KLRD1: variants seen among roughly 807,000 people sequenced by gnomAD.
The protein encoded by KLRD1 is killer cell lectin like receptor D1, also known as natural killer cells antigen CD94.
KLRD1 carries 21 observed loss-of-function variants against 22.6 expected under a neutral mutation model. That is an observed-to-expected ratio of 0.93 (90% CI 0.66 to 1.34). KLRD1 has a LOEUF of 1.34. Ranked by LOEUF, KLRD1 falls within the 40% of genes most tolerant of loss-of-function variation. The pLI, the probability that KLRD1 is intolerant of heterozygous loss-of-function variation, is 0.00. For synonymous variants in KLRD1, 59 were observed against 71.1 expected (o/e 0.83, Z 0.85); for missense variants, 183 against 208.6 (o/e 0.88, Z 0.76).
In KLRD1 at chr12:10,287,762, G is replaced by C. The variant is rs182523170; in HGVS notation, c.-100-20216G>C. 5.9e-5 allele frequency among the ~76,000 whole-genome samples: 9 copies of C among 152,102 alleles called. No homozygotes were observed. In the East Asian group the frequency reaches 1.4e-3, roughly 23 times the overall value. ...TAGTTTAATTATCTGTCTAAATACG[G>C]ATTTTTACCTCTGTAAGAAAGATCA... On this transcript the variant is annotated intron_variant, in intron 1 of 5. Coordinates refer to the KLRD1 transcript ENST00000544747.
intron 3 of KLRD1, among the ~76,000 whole-genome samples, chr12:10,310,911 T>TTTA (rs1950052010): frequency 6.6e-6 from 1 of 151,864 alleles, no homozygotes; most frequent in Non-Finnish European, 1.5e-5. Flanking sequence ...AAGACACTAT[T>TTTA]ATTGATAAAC....
intron 1 of KLRD1, among the ~76,000 whole-genome samples, chr12:10,273,347 G>A (rs1311012642): frequency 6.6e-6 from 1 of 152,136 alleles, no homozygotes; most frequent in Non-Finnish European, 1.5e-5. Flanking sequence ...GTTTGTAATA[G>A]AATAAGATTA....
upstream of KLRD1, among the ~76,000 whole-genome samples, chr12:10,305,979 G>A (rs968050457): frequency 6.6e-6 from 1 of 151,818 alleles, no homozygotes; most frequent in Non-Finnish European, 1.5e-5. Context: ...TGGCTAACAC[G>A]GTGAAACCCC....
intron 1 of KLRD1, among the ~76,000 whole-genome samples, chr12:10,277,198 C>T (rs1391089231): frequency 2.1e-5 from 3 of 142,370 alleles, no homozygotes; most frequent in Non-Finnish European, 4.5e-5. Flanking sequence ...ATGCAGGGTA[C>T]ATGGAACTGT....
chr12:10,273,441 AT>A (rs1260094155), intron 1 of KLRD1, among the ~76,000 whole-genome samples: 1 of 152,142 alleles, frequency 6.6e-6, no homozygotes, highest in Non-Finnish European at 1.5e-5. Flanking sequence ...GTGGTTTTCT[AT>A]TTTTGTGTTA....
chr12:10,255,380 T>G (rs1949386018), intron 1 of KLRD1, among the ~76,000 whole-genome samples: 1 of 152,194 alleles, frequency 6.6e-6, no homozygotes, highest in Non-Finnish European at 1.5e-5. Context: ...TTCATTTGGC[T>G]GGCGTTGGGT....
At chr12:10,284,446 A>G (rs995968014) in intron 1 of KLRD1, among the ~76,000 whole-genome samples, 2 of 152,166 alleles carry the variant, frequency 1.3e-5, no homozygotes, top group Non-Finnish European at 2.9e-5. Flanking sequence ...CTTTATCCAT[A>G]AGGCTAAAAA....
In KLRD1 at chr12:10,323,903, C is replaced by G. The variant is rs1265348537; in HGVS notation, c.*9110C>G. On this transcript the variant is annotated 3_prime_UTR_variant, in exon 6 of 6. Transcript: ENST00000336164. ...TTGAGACTGAGTATTGCTCTGTCAC[C>G]CAGATTAGAGTGCAGTGGTGTGATC... 8.7e-6 allele frequency: 1 copy of G among 114,476 alleles called. No homozygotes were observed. The highest frequency in any genetic ancestry group is 3.0e-4 in the East Asian group (1 of 3,284). The allele number at this position is 114,476 out of a possible 1,614,324, so 7.1% of individuals were successfully genotyped here. A position where few individuals can be genotyped will look rare whatever the true frequency, so the allele number is the denominator to read the frequency against.
chr12:10,271,799 A>G (rs993386530), intron 1 of KLRD1, among the ~76,000 whole-genome samples: 7 of 152,082 alleles, frequency 4.6e-5, no homozygotes, highest in Admixed American at 1.3e-4. Context: ...TATAATCATA[A>G]GAAAGTTTTA....
chr12:10,253,782 T>C (rs915500618), intron 1 of KLRD1, among the ~76,000 whole-genome samples: 29 of 152,108 alleles, frequency 1.9e-4, no homozygotes, highest in Non-Finnish European at 3.5e-4. Flanking sequence ...TATTCCATGG[T>C]GTATATGTAC....
intron 1 of KLRD1, among the ~76,000 whole-genome samples, chr12:10,295,108 A>G (rs12315815): frequency 0.11 from 16,637 of 152,144 alleles, 1,375 homozygotes; most frequent in African/African-American, 0.22. Flanking sequence ...GTATTTGTCA[A>G]TATGTATACC....
chr12:10,311,030 CAGAA>C (rs1950054844), intron 3 of KLRD1, among the ~76,000 whole-genome samples: 1 of 152,136 alleles, frequency 6.6e-6, no homozygotes, highest in Admixed American at 6.6e-5. Context: ...TTTTCTGACT[CAGAA>C]AGTATGCTAA....
chr12:10,264,099 C>G (rs953645821), intron 1 of KLRD1, among the ~76,000 whole-genome samples: 1 of 152,004 alleles, frequency 6.6e-6, no homozygotes, highest in Admixed American at 6.6e-5. Flanking sequence ...ATTTTTCTAC[C>G]CAAGAATATT....
intron 1 of KLRD1, among the ~76,000 whole-genome samples, chr12:10,276,380 C>T (rs1949592230): frequency 6.6e-6 from 1 of 152,090 alleles, no homozygotes; most frequent in Non-Finnish European, 1.5e-5. Flanking sequence ...CTAGGGTAGC[C>T]TTTGACATTT....
At chr12:10,250,874 GA>G (rs1260432860) in intron 1 of KLRD1, among the ~76,000 whole-genome samples, 1 of 152,100 alleles carries the variant, frequency 6.6e-6, no homozygotes, top group Non-Finnish European at 1.5e-5. Flanking sequence ...CAGACCAGGA[GA>G]AAGTCTCAGG....
intron 1 of KLRD1, among the ~76,000 whole-genome samples, chr12:10,256,715 AT>A (rs1210394533): frequency 1.2e-4 from 18 of 152,018 alleles, no homozygotes; most frequent in African/African-American, 4.3e-4. Context: ...GTTATAAAAA[AT>A]AAAAAGTGAA....
At chr12:10,254,484 A>G (rs1390191228) in intron 1 of KLRD1, among the ~76,000 whole-genome samples, 1 of 151,662 alleles carries the variant, frequency 6.6e-6, no homozygotes, top group Admixed American at 6.6e-5. Flanking sequence ...CAATGTACAG[A>G]CTGGGAGAAA....
rs888030575 is a variant in KLRD1 at position 10,285,048 on chromosome 12, A to G, written c.-100-22930A>G. ...TTAGTTTCCACTTAAAAGTTTTTAG[A>G]TGTATGGTGAGAGAACTATATATAA... On this transcript the variant is annotated intron_variant, in intron 1 of 5. Coordinates refer to the KLRD1 transcript ENST00000544747. 4.6e-5 allele frequency among the ~76,000 whole-genome samples: 7 copies of G among 152,146 alleles called. No individual in the cohort carries two copies. The East Asian group carries it at 1.3e-3, about 29-fold the overall frequency.
At position 10,239,531 on chromosome 12, in the gene KLRD1, CTTTCTTTCTTTCTTTCTT is replaced by C. The variant is rs1308269770; in HGVS notation, c.-101+13300_-101+13317del. On this transcript the variant is annotated intron_variant, in intron 1 of 5. Coordinates refer to the KLRD1 transcript ENST00000544747. The stretch of plus-strand genomic sequence containing the variant: ...CTCCTTCCCTCCCCTTTCTTTCTTT[CTTTCTTTCTTTCTTTCTT>C]TCTTTCTTTCTTTCTTTCTTTCTTT... 5.2e-3 allele frequency among the ~76,000 whole-genome samples: 385 copies of C among 74,412 alleles called. 12 individuals are homozygous for C. The highest frequency in any genetic ancestry group is 0.012 in the African/African-American group (280 of 23,186). 48.8% of individuals were successfully genotyped at this position (74,412 alleles called of 152,430 possible). A position where few individuals can be genotyped will look rare whatever the true frequency, so the allele number is the denominator to read the frequency against.
Sources: gnomAD v4.1 joint callset for allele counts (sites outside exome capture counted in the v4.1 genomes callset) on GRCh38, gnomAD v4.1.1 for gene constraint, MANE v1.5 for transcripts, NCBI Gene and HGNC (gene_info 2026-07-23, HGNC 2026-07-21) for gene names.